The following NEK5 variants were observed in gnomAD, a reference collection of about 807,000 sequenced individuals.
NEK5 encodes the protein NIMA related kinase 5, also known as serine/threonine-protein kinase Nek5.
In NEK5, 88 loss-of-function variants were observed where a neutral mutation model predicts 109.2. That is an observed-to-expected ratio of 0.81 (90% CI 0.68 to 0.96). NEK5 has a LOEUF of 0.96. Ranked by LOEUF, NEK5 falls within the 40% of genes least tolerant of loss-of-function variation. The pLI is 0.00. For missense variants in NEK5, 834 were observed against 920.7 expected, an observed-to-expected ratio of 0.91 and a Z score of 1.22; for synonymous variants, 283 against 299.9, an observed-to-expected ratio of 0.94 and a Z score of 0.58.
intron 19 of NEK5, among the ~76,000 whole-genome samples, chr13:52,072,296 A>G (rs1042465510): frequency 8.5e-5 from 13 of 152,256 alleles, no homozygotes; most frequent in Non-Finnish European, 2.9e-5. Context: ...AGCACTGGTC[A>G]TAAGGCAACT....
Position 52,092,944 on chromosome 13 carries a change from G to GT in NEK5, c.1208+109dup. On this transcript the variant is annotated intron_variant, in intron 13 of 23. Transcript: ENST00000684899. ...TGTGTTTAAAATGAAGATTTGGAAA[G>GT]TTCTTCTTGGATTATTTGTGTTAGG... 9 of 741,124 alleles carry GT rather than the reference G, an allele frequency of 1.2e-5. No individual in the cohort carries two copies. The South Asian group carries it at 2.2e-4, about 18-fold the overall frequency. 45.9% of individuals were successfully genotyped at this position (741,124 alleles called of 1,614,324 possible). A position where few individuals can be genotyped will look rare whatever the true frequency, so the allele number is the denominator to read the frequency against.
intron 22 of NEK5, among the ~76,000 whole-genome samples, chr13:52,058,150 C>CAT (rs1954578721): frequency 7.1e-6 from 1 of 140,678 alleles, no homozygotes; most frequent in Non-Finnish European, 1.5e-5. Flanking sequence ...CATTCTTATA[C>CAT]ACCAACAACA....
chr13:52,052,556 G>T (rs1467836969), intron 22 of NEK5, among the ~76,000 whole-genome samples: 1 of 152,064 alleles, frequency 6.6e-6, no homozygotes, highest in Non-Finnish European at 1.5e-5. Flanking sequence ...TCTTTGTGGG[G>T]GACCCAGGAT....
At chr13:52,098,215 A>G (rs1011947718) in intron 12 of NEK5, among the ~76,000 whole-genome samples, 49 of 152,018 alleles carry the variant, frequency 3.2e-4, no homozygotes, top group African/African-American at 1.2e-3. Flanking sequence ...GTGAGCTGAG[A>G]CATGCCACTG....
intron 3 of NEK5, among the ~76,000 whole-genome samples, chr13:52,120,764 T>G (rs1177934526): frequency 4.0e-5 from 6 of 151,808 alleles, no homozygotes; most frequent in Non-Finnish European, 8.8e-5. Flanking sequence ...CACAAAAAAT[T>G]AGCCAGGCGT....
chr13:52,109,168 T>G (rs777892872), intron 7 of NEK5, among the ~76,000 whole-genome samples: 7 of 152,130 alleles, frequency 4.6e-5, no homozygotes, highest in Non-Finnish European at 1.0e-4. Flanking sequence ...AAAATAAAAT[T>G]CTAAGCCCCC....
At chr13:52,112,624 C>A (rs1441389737) in intron 4 of NEK5, among the ~76,000 whole-genome samples, 1 of 152,090 alleles carries the variant, frequency 6.6e-6, no homozygotes, top group Non-Finnish European at 1.5e-5. Flanking sequence ...TAGAATAATG[C>A]CTGTACATAA....
At chr13:52,067,676 A>ATT (rs33986940) in intron 20 of NEK5, among the ~76,000 whole-genome samples, 54,104 of 120,014 alleles carry the variant, frequency 0.45, 14,307 homozygotes, top group Non-Finnish European at 0.58. Flanking sequence ...ACACCACGTC[A>ATT]TTTTTTTTTT....
At chr13:52,101,860 A>G (rs1955539174) in intron 11 of NEK5, 73 bp downstream of exon 11, 3 of 1,216,628 alleles carry the variant, frequency 2.5e-6, no homozygotes, top group African/African-American at 3.0e-5. Context: ...GTTTGGTGAA[A>G]TTTCCTTGCA....
intron 23 of NEK5, among the ~76,000 whole-genome samples, chr13:52,037,863 C>CAGTG (rs749768892): frequency 6.6e-5 from 10 of 151,390 alleles, no homozygotes; most frequent in Non-Finnish European, 5.9e-5. Context: ...GCGGAGCTTG[C>CAGTG]AGTGAGCCGA....
intron 17 of NEK5, among the ~76,000 whole-genome samples, chr13:52,078,094 G>A (rs1372475862): frequency 6.6e-6 from 1 of 151,132 alleles, no homozygotes; most frequent in Non-Finnish European, 1.5e-5. Flanking sequence ...AAAAAGATTT[G>A]TATATGAATG....
At chr13:52,067,597 G>T (rs1240814702) in intron 20 of NEK5, among the ~76,000 whole-genome samples, 2 of 151,946 alleles carry the variant, frequency 1.3e-5, no homozygotes, top group Non-Finnish European at 2.9e-5. Context: ...TTTGGACTGT[G>T]AGCCAAGCCT....
rs372630820 is a variant in NEK5, at chr13:52,119,354, T to C, written c.179A>G (p.His60Arg). 3.1e-6 allele frequency: 5 copies of C among 1,603,068 alleles called. No homozygotes were observed. The African/African-American group carries it at 5.4e-5, about 17-fold the overall frequency. ...ATTGAAGAAGGCTACAATGTTGGGA[T>C]GTTTCATCTTTTCCAGAAGAATCAC... ...KEVILLEKMK[H>R]PNIVAFFNSF... The change falls in exon 4 of 24, where the codon CAT (histidine) becomes CGT (arginine). Residue 60 changes from histidine to arginine, a missense_variant. Transcript: ENST00000684899.
At chr13:52,110,970 G>C (rs1245548114) in intron 5 of NEK5, among the ~76,000 whole-genome samples, 3 of 152,148 alleles carry the variant, frequency 2.0e-5, no homozygotes, top group Admixed American at 2.0e-4. Flanking sequence ...GAAGCCATTG[G>C]TTCTTCCTTT....
intron 7 of NEK5, among the ~76,000 whole-genome samples, chr13:52,109,818 TC>T (rs1955722993): frequency 6.6e-6 from 1 of 152,134 alleles, no homozygotes; most frequent in Non-Finnish European, 1.5e-5. Flanking sequence ...CTCCCATTCT[TC>T]CCAGCTTTGA....
At chr13:52,110,634 T>A (rs1378146283) in intron 5 of NEK5, 57 bp from the exon 6 acceptor site, 4 of 1,005,928 alleles carry the variant, frequency 4.0e-6, no homozygotes, top group Non-Finnish European at 6.2e-6. Context: ...CTGAAATGTC[T>A]TCATGGTAAC....
intron 20 of NEK5, among the ~76,000 whole-genome samples, chr13:52,069,076 A>C (rs1954741362): frequency 6.6e-6 from 1 of 152,208 alleles, no homozygotes; most frequent in Non-Finnish European, 1.5e-5. Flanking sequence ...AGGAATACAG[A>C]TTAAAATGAG....
chr13:52,037,983 T>C (rs1954378577), intron 23 of NEK5, among the ~76,000 whole-genome samples: 1 of 151,288 alleles, frequency 6.6e-6, no homozygotes, highest in African/African-American at 2.4e-5. Flanking sequence ...GGAATTAAAA[T>C]TGTGTCTAAG....
chr13:52,058,167 CAG>C (rs1954578981), intron 22 of NEK5, among the ~76,000 whole-genome samples: 3 of 133,650 alleles, frequency 2.2e-5, no homozygotes, highest in Non-Finnish European at 4.8e-5. Flanking sequence ...AACAGACAAA[CAG>C]AGAGCCAAAT....
Sources: gnomAD v4.1 joint callset for allele counts (sites outside exome capture counted in the v4.1 genomes callset) on GRCh38, gnomAD v4.1.1 for gene constraint, MANE v1.5 for transcripts, NCBI Gene and HGNC (gene_info 2026-07-23, HGNC 2026-07-21) for gene names.